The following ACSM6 variants were observed in gnomAD, a reference collection of about 807,000 sequenced individuals.
ACSM6 encodes the protein acyl-CoA synthetase medium chain family member 6.
In ACSM6, 35 loss-of-function variants were observed where a neutral mutation model predicts 51.1. The observed-to-expected ratio is 0.69, with a 90% CI of 0.52 to 0.91. The LOEUF (loss-of-function observed/expected upper bound fraction) is 0.91, where lower values mean the gene tolerates loss of function less well. ACSM6 is among the 40% of genes least tolerant of loss of function. ACSM6 has a pLI of 0.00. For missense variants in ACSM6, 509 were observed against 584.1 expected (o/e 0.87, Z 1.32); for synonymous variants, 172 against 207.3 (o/e 0.83, Z 1.46).
intron 9 of ACSM6, among the ~76,000 whole-genome samples, chr10:95,223,173 C>T (rs988678717): frequency 6.6e-6 from 1 of 151,716 alleles, no homozygotes; most frequent in African/African-American, 2.4e-5. Context: ...CACACACACA[C>T]ACACACACAC....
intron 2 of ACSM6, among the ~76,000 whole-genome samples, chr10:95,200,307 T>C (rs1188881428): frequency 1.7e-5 from 2 of 116,816 alleles, no homozygotes; most frequent in Admixed American, 1.2e-4. Flanking sequence ...TGAGCACACA[T>C]GGACACAGGA....
intron 2 of ACSM6, among the ~76,000 whole-genome samples, chr10:95,198,444 A>G (rs2034757445): frequency 6.6e-6 from 1 of 152,196 alleles, no homozygotes; most frequent in Non-Finnish European, 1.5e-5. Context: ...TGAGCTCAGG[A>G]GTTCAAGACC....
At chr10:95,216,136 G>A (rs562802999) in intron 8 of ACSM6, among the ~76,000 whole-genome samples, 1 of 152,140 alleles carries the variant, frequency 6.6e-6, no homozygotes, top group South Asian at 2.1e-4. Context: ...GACTTGCTAT[G>A]TTGCCCAGAC....
In ACSM6 at chr10:95,207,188, T is replaced by C; in HGVS notation, c.404-20T>C. Reference sequence around the variant, plus strand: ...TACTCAAAAGATAAAAATGAAGCCTTCTTTTGTGGTTTTTTTCAGGAATCA... The same window carrying C: ...TACTCAAAAGATAAAAATGAAGCCTCCTTTTGTGGTTTTTTTCAGGAATCA... On this transcript the variant is annotated intron_variant, in intron 3 of 10. Transcript: ENST00000341686. 1 of 1,569,836 alleles carries C rather than the reference T, an allele frequency of 6.4e-7. No homozygotes were observed. The highest frequency in any genetic ancestry group is 8.6e-7 in the Non-Finnish European group (1 of 1,157,134).
At position 95,219,978 on chromosome 10, in the gene ACSM6, G is replaced by T. The variant is rs1215893470; in HGVS notation, c.1200+7G>T. 8 of 1,592,160 alleles carry T rather than the reference G, an allele frequency of 5.0e-6. No individual in the cohort carries two copies. In the Admixed American group the frequency reaches 6.7e-5, roughly 13 times the overall value. Reference sequence around the variant, plus strand: ...GCCACCTTATATTGTCCAGGTAGGAGATCATAGTAATGATTATGACAGATA... The same window carrying T: ...GCCACCTTATATTGTCCAGGTAGGATATCATAGTAATGATTATGACAGATA... On this transcript the variant is annotated splice_region_variant and intron_variant, in intron 9 of 10. Transcript: ENST00000341686.
At chr10:95,212,820 C>A in intron 6 of ACSM6, 38 bp from the exon 7 acceptor site, 1 of 1,497,754 alleles carries the variant, frequency 6.7e-7, no homozygotes, top group Non-Finnish European at 9.3e-7. Context: ...TCTCCCACCT[C>A]ACATGCAGAT....
At chr10:95,212,911 G>A (rs148598605) in exon 7 of ACSM6, 1 of 1,613,244 alleles carries the variant, frequency 6.2e-7, no homozygotes, top group Non-Finnish European at 8.5e-7. Flanking sequence ...AGATGTACCA[G>A]GAACTGCTTC....
At chr10:95,227,409 G>C (rs2035049228) in intron 10 of ACSM6, among the ~76,000 whole-genome samples, 1 of 152,172 alleles carries the variant, frequency 6.6e-6, no homozygotes, top group African/African-American at 2.4e-5. Flanking sequence ...TCTTCAATGA[G>C]TATCCTTGTT....
At chr10:95,205,722 T>C (rs904851044) in intron 3 of ACSM6, among the ~76,000 whole-genome samples, 8 of 152,194 alleles carry the variant, frequency 5.3e-5, no homozygotes, top group African/African-American at 1.9e-4. Flanking sequence ...TAAATTAACA[T>C]TACTTGGCAC....
exon 4 of ACSM6, chr10:95,207,293 G>A (rs1468497573): frequency 3.7e-6 from 6 of 1,614,132 alleles, no homozygotes; most frequent in African/African-American, 2.7e-5. Context: ...AGTGCATTGT[G>A]GCTAATGAAG....
At chr10:95,199,809 C>G (rs2034774345) in intron 2 of ACSM6, among the ~76,000 whole-genome samples, 1 of 152,220 alleles carries the variant, frequency 6.6e-6, no homozygotes. Context: ...GAGATACCAT[C>G]TCACAGCAGT....
At chr10:95,206,070 A>G (rs2034836365) in intron 3 of ACSM6, among the ~76,000 whole-genome samples, 1 of 152,190 alleles carries the variant, frequency 6.6e-6, no homozygotes, top group Non-Finnish European at 1.5e-5. Flanking sequence ...GGTTTTTAGA[A>G]TATTCACAAA....
chr10:95,207,079 C>A, intron 3 of ACSM6, 129 bp from the exon 4 acceptor site: 1 of 808,326 alleles, frequency 1.2e-6, no homozygotes, highest in South Asian at 1.7e-5. Context: ...TGTTACTGAC[C>A]CAATAGAGAA....
At position 95,204,639 on chromosome 10, in the gene ACSM6, A is replaced by G. The variant is rs569192493; in HGVS notation, c.403+2444A>G. ...TGATTAGTTCTTAAATGATTTAAAGATAACTGTTTGAAAACGTTAAATGTC... is the reference window on the plus strand; with the variant it reads ...TGATTAGTTCTTAAATGATTTAAAGGTAACTGTTTGAAAACGTTAAATGTC... On this transcript the variant is annotated intron_variant, in intron 3 of 10. Transcript: ENST00000341686. Among the ~76,000 whole-genome samples, 24 of 152,316 alleles carry G rather than the reference A, an allele frequency of 1.6e-4. No homozygotes were observed. In the South Asian group the frequency reaches 5.0e-3, roughly 32 times the overall value.
Position 95,194,275 on chromosome 10 carries a change from G to GT in ACSM6, c.-50_-49insT, listed in dbSNP as rs2034703846. ...CTCTACCATCCTCCAAACATCTGAA[G>GT]CCCCCCATAGAAACTCCTCTTGGAA... On this transcript the variant is annotated 5_prime_UTR_variant, in exon 1 of 11. Coordinates refer to ENST00000341686, the Ensembl canonical transcript of ACSM6. The GT allele has an allele frequency of 1.6e-5, 8 of 493,596 alleles. No individual in the cohort carries two copies. In the Admixed American group the frequency reaches 1.9e-4, roughly 12 times the overall value. The allele number at this position is 493,596 out of a possible 1,614,324, so 30.6% of individuals were successfully genotyped here. A position where few individuals can be genotyped will look rare whatever the true frequency, so the allele number is the denominator to read the frequency against.
intron 4 of ACSM6, 117 bp downstream of exon 4, chr10:95,207,532 A>G: frequency 9.4e-7 from 1 of 1,062,796 alleles, no homozygotes; most frequent in Non-Finnish European, 1.4e-6. Context: ...GGCAATTTCT[A>G]TGCAAGATTA....
At chr10:95,196,687 T>C (rs895324891) in intron 2 of ACSM6, among the ~76,000 whole-genome samples, 1 of 152,232 alleles carries the variant, frequency 6.6e-6, no homozygotes, top group Non-Finnish European at 1.5e-5. Context: ...TTGCTGTTTT[T>C]CTCCTCCAAA....
chr10:95,194,819 A>G (rs2034709680), intron 2 of ACSM6, 142 bp downstream of exon 2: 2 of 749,732 alleles, frequency 2.7e-6, no homozygotes, highest in Non-Finnish European at 4.2e-6. Context: ...CAAAATGACT[A>G]AGAACATAGG....
chr10:95,205,894 T>C (rs1303013466), intron 3 of ACSM6, among the ~76,000 whole-genome samples: 2 of 152,212 alleles, frequency 1.3e-5, no homozygotes, highest in Non-Finnish European at 2.9e-5. Context: ...TCAGTGATAC[T>C]GAACAGGTCT....
Sources: gnomAD v4.1 joint callset for allele counts (sites outside exome capture counted in the v4.1 genomes callset) on GRCh38, gnomAD v4.1.1 for gene constraint, MANE v1.5 for transcripts, NCBI Gene and HGNC (gene_info 2026-07-23, HGNC 2026-07-21) for gene names.